Variants in IL17REL observed in about 807,000 individuals in gnomAD.
IL17REL encodes the protein interleukin-17 receptor E-like protein.
Under a neutral mutation model 49.0 loss-of-function variants are expected in IL17REL, and 36 were observed. That is an observed-to-expected ratio of 0.73 (90% CI 0.56 to 0.97). The LOEUF is 0.97. Among genes scored for constraint, IL17REL ranks in the 50% least tolerant of loss-of-function variants. The pLI is 0.00. For missense variants in IL17REL, 470 were observed against 453.9 expected (o/e 1.04, Z -0.32); for synonymous variants, 206 against 192.4 (o/e 1.07, Z -0.58).
At chr22:50,007,254 T>C (rs1302833479) in intron 1 of IL17REL, among the ~76,000 whole-genome samples, 1 of 152,020 alleles carries the variant, frequency 6.6e-6, no homozygotes, top group African/African-American at 2.4e-5. Flanking sequence ...ATCCGCCCCC[T>C]CCACCCAATG....
In IL17REL at chr22:50,000,476, A is replaced by G; in HGVS notation, c.334+2T>C. On this transcript the variant is annotated splice_donor_variant, in intron 4 of 12. Transcript: ENST00000341280. LOFTEE classifies it high-confidence loss of function. ...GTGCTCAGGGGGCCCTGGGGACCCT[A>G]CCTTCCACGAGGTGCCTCTGGTCCA... The G allele has an allele frequency of 6.2e-7, 1 of 1,609,718 alleles. No homozygotes were observed.
At chr22:49,997,279 C>A (rs2061041359) in intron 11 of IL17REL, 41 bp downstream of exon 13, 3 of 1,585,036 alleles carry the variant, frequency 1.9e-6, no homozygotes, top group Non-Finnish European at 2.6e-6. Context: ...GCCGCCACCA[C>A]CCCCACCTCC....
chr22:49,999,907 CTGGGCACTTGCA>C (rs1191333507), exon 5 of IL17REL: 2 of 1,540,592 alleles, frequency 1.3e-6, no homozygotes, highest in Admixed American at 2.0e-5. Flanking sequence ...CCCGGAGGCC[CTGGGCACTTGCA>C]CCAGAATCGC....
At chr22:49,991,878 T>A (rs1233066156), downstream of IL17REL, among the ~76,000 whole-genome samples, 1 of 152,034 alleles carries the variant, frequency 6.6e-6, no homozygotes, top group African/African-American at 2.4e-5. Context: ...CCTCAGGAGG[T>A]CCTGACATGT....
At position 49,998,081 on chromosome 22, in the gene IL17REL, T is replaced by A. The variant is rs1462985966; in HGVS notation, c.775-12A>T. The A allele has an allele frequency of 6.9e-6, 11 of 1,593,532 alleles. No individual in the cohort carries two copies. Among genetic ancestry groups the A allele is most frequent in the Non-Finnish European group, 9.4e-6 (11 of 1,172,224 alleles). Reference sequence around the variant, plus strand: ...AGCGGGTACTGCACCTGAGGAGGGCTGGGGTCAGGCTGTGGCATCCATGCC... The same window carrying A: ...AGCGGGTACTGCACCTGAGGAGGGCAGGGGTCAGGCTGTGGCATCCATGCC... On this transcript the variant is annotated splice_polypyrimidine_tract_variant and intron_variant, in intron 8 of 12. Transcript: ENST00000341280.
At chr22:49,993,881 AACCTG>A (rs2061018294), downstream of IL17REL, among the ~76,000 whole-genome samples, 1 of 152,112 alleles carries the variant, frequency 6.6e-6, no homozygotes, top group Non-Finnish European at 1.5e-5. This position sits in a 1 kb window ranked among gnomAD's most constrained non-coding sequence, Gnocchi z 6.0. Context: ...CAGGAGCAGG[AACCTG>A]GGGCGGGGAC....
intron 1 of IL17REL, among the ~76,000 whole-genome samples, chr22:50,004,637 G>C (rs1601890767): frequency 1.3e-5 from 2 of 152,016 alleles, no homozygotes; most frequent in East Asian, 3.9e-4. Flanking sequence ...GAGGAGGGCA[G>C]ATCACCAGAG....
intron 1 of IL17REL, among the ~76,000 whole-genome samples, chr22:50,001,839 C>T (rs1040553840): frequency 6.6e-6 from 1 of 152,226 alleles, no homozygotes; most frequent in African/African-American, 2.4e-5. Flanking sequence ...CAGAACTTCA[C>T]GTGAGCCACA....
Position 50,000,818 on chromosome 22 carries a change from TG to T in IL17REL, c.154del (p.Gln52ArgfsTer32). ...CCACACGCTCTGACACTGCGTCTCCTGGGTGTCCAGGCTCATGGCACAGGCC... is the reference window on the plus strand; with the variant it reads ...CCACACGCTCTGACACTGCGTCTCCTGGTGTCCAGGCTCATGGCACAGGCC... On this transcript the variant is annotated frameshift_variant, in exon 3 of 13. Transcript: ENST00000341280. LOFTEE classifies it high-confidence loss of function. 1 of 1,602,566 alleles carries T rather than the reference TG, an allele frequency of 6.2e-7. No homozygotes were observed.
rs563556937 is a variant in IL17REL, at chr22:49,998,589, A to G, written c.602-280T>C. On this transcript the variant is annotated intron_variant, in intron 7 of 12. Transcript: ENST00000341280. Reference sequence around the variant, plus strand: ...TGCCTGCCTGTGCATGGGTGTGTGTATGTGTACGTGTTTGCATGGGTGTCA... The same window carrying G: ...TGCCTGCCTGTGCATGGGTGTGTGTGTGTGTACGTGTTTGCATGGGTGTCA... Among the ~76,000 whole-genome samples, 782 of 89,370 alleles carry G rather than the reference A, an allele frequency of 8.8e-3. 3 individuals are homozygous for G. The highest frequency in any genetic ancestry group is 0.03 in the African/African-American group (670 of 22,034). 58.6% of individuals were successfully genotyped at this position (89,370 alleles called of 152,430 possible).
exon 13 of IL17REL, chr22:49,995,291 G>A (rs2061028223): frequency 6.6e-6 from 1 of 152,566 alleles, no homozygotes; most frequent in Non-Finnish European, 1.5e-5. Flanking sequence ...GAGGGAGGCT[G>A]GGGTCCAGCA....
At chr22:49,993,154 C>G (rs1220087519), downstream of IL17REL, among the ~76,000 whole-genome samples, 1 of 152,228 alleles carries the variant, frequency 6.6e-6, no homozygotes, top group Non-Finnish European at 1.5e-5. This position sits in a 1 kb window ranked among gnomAD's most constrained non-coding sequence, Gnocchi z 6.0. Flanking sequence ...CTTGGTCCCC[C>G]AGCTGCAGGG....
At chr22:50,009,545 G>A (rs1601894073), upstream of IL17REL, among the ~76,000 whole-genome samples, 2 of 152,162 alleles carry the variant, frequency 1.3e-5, no homozygotes, top group African/African-American at 4.8e-5. Flanking sequence ...CACTGAGCCT[G>A]GGGTGTTGGA....
chr22:50,004,970 T>TAAAAAAAAAAAAAAAAAAAA (rs11455056), intron 1 of IL17REL, among the ~76,000 whole-genome samples: 1 of 51,970 alleles, frequency 1.9e-5, no homozygotes, highest in Admixed American at 2.3e-4. Context: ...AACCAGAAAG[T>TAAAAAAAAAAAAAAAAAAAA]AAAAAAAAAA....
Position 50,000,878 on chromosome 22 carries a change from G to C in IL17REL, c.110-15C>G, listed in dbSNP as rs1212905867. 6 of 1,513,574 alleles carry C rather than the reference G, an allele frequency of 4.0e-6. No individual in the cohort carries two copies. The Admixed American group carries it at 6.6e-5, about 17-fold the overall frequency. 93.8% of individuals were successfully genotyped at this position (1,513,574 alleles called of 1,614,324 possible). Reference sequence around the variant, plus strand: ...CCGCAGGCGCTCTGGGTGGAGGAAGGACCCGGCAGGGTGCATCAGAGCAGG... The same window carrying C: ...CCGCAGGCGCTCTGGGTGGAGGAAGCACCCGGCAGGGTGCATCAGAGCAGG... On this transcript the variant is annotated splice_polypyrimidine_tract_variant and intron_variant, in intron 2 of 12. Transcript: ENST00000341280.
At chr22:50,000,973 C>T (rs1569210041) in intron 2 of IL17REL, 109 bp downstream of exon 3, 1 of 1,248,176 alleles carries the variant, frequency 8.0e-7, no homozygotes, top group Non-Finnish European at 1.1e-6. Flanking sequence ...GTGCGGTTAG[C>T]AGCCCCCCTC....
At chr22:49,999,438 C>T in exon 6 of IL17REL, 1 of 1,612,350 alleles carries the variant, frequency 6.2e-7, no homozygotes. Context: ...GACCTCCAGG[C>T]ACAGGCACGG....
rs1020732753 is a variant in IL17REL at position 50,003,785 on chromosome 22, G to C, written c.-41-2554C>G. Among the ~76,000 whole-genome samples the C allele has an allele frequency of 3.2e-4, 48 of 152,104 alleles. 1 individual carries two copies. Among genetic ancestry groups the C allele is most frequent in the Non-Finnish European group, 5.9e-5 (4 of 68,026 alleles). ...CATAACATTTCTCAGTGAAATAATA[G>C]ATTATTTCCACCCCTCAGATAAAAA... On this transcript the variant is annotated intron_variant, in intron 1 of 12. Transcript: ENST00000341280.
intron 9 of IL17REL, 73 bp from the exon 12 acceptor site, chr22:49,997,815 G>T: frequency 1.3e-6 from 2 of 1,502,604 alleles, no homozygotes; most frequent in Non-Finnish European, 1.9e-6. Context: ...GGCAGGGACA[G>T]GGACAGGCTG....
Sources: allele counts gnomAD v4.1 joint callset (sites outside exome capture counted in the v4.1 genomes callset), GRCh38; gene constraint gnomAD v4.1.1; non-coding constraint Gnocchi (gnomAD v3.1); transcripts MANE v1.5; gene names NCBI Gene and HGNC (gene_info 2026-07-23, HGNC 2026-07-21).